The following INPP5D variants were observed in gnomAD, a reference collection of about 807,000 sequenced individuals.
INPP5D encodes the protein inositol polyphosphate-5-phosphatase D.
INPP5D carries 33 observed loss-of-function variants against 122.9 expected under a neutral mutation model. The ratio of observed to expected loss-of-function variants is 0.27; its 90% CI spans 0.20 to 0.36. The LOEUF is 0.36. INPP5D is among the 10% of genes least tolerant of loss of function. The pLI is 1.00. For missense variants in INPP5D, 1,053 were observed against 1,412.7 expected (o/e 0.75, Z 4.08); for synonymous variants, 584 against 576.2 (o/e 1.01, Z -0.19).
intron 25 of INPP5D, among the ~76,000 whole-genome samples, chr2:233,200,503 C>T (rs1355589811): frequency 6.6e-6 from 1 of 152,222 alleles, no homozygotes; most frequent in African/African-American, 2.4e-5. Flanking sequence ...GACTTGCGTG[C>T]TGTCCGCCAC....
Position 233,138,912 on chromosome 2 carries a change from A to ATTTTTTTTTTTTTTTTTT in INPP5D, c.666-916_666-915insTTTTTTTTTTTTTTTTTT, listed in dbSNP as rs759201099. Among the ~76,000 whole-genome samples the ATTTTTTTTTTTTTTTTTT allele has an allele frequency of 5.7e-5, 8 of 140,420 alleles. No homozygotes were observed. In the East Asian group the frequency reaches 6.3e-4, roughly 11 times the overall value. 92.1% of individuals were successfully genotyped at this position (140,420 alleles called of 152,430 possible). Reference sequence around the variant, plus strand: ...AGGAGCCCGCCACCACACCTGGCTAATTTTTTTTTTTTTTGTATTTTTAGT... The same window carrying ATTTTTTTTTTTTTTTTTT: ...AGGAGCCCGCCACCACACCTGGCTAATTTTTTTTTTTTTTTTTTTTTTTTTTTTTTTTGTATTTTTAGT... On this transcript the variant is annotated intron_variant, in intron 5 of 26. Coordinates refer to ENST00000445964, the MANE Select transcript of INPP5D (RefSeq NM_001017915.3).
chr2:233,090,546 T>A (rs938321470), intron 2 of INPP5D, among the ~76,000 whole-genome samples: 2 of 152,122 alleles, frequency 1.3e-5, no homozygotes, highest in Non-Finnish European at 2.9e-5. Flanking sequence ...CTCACAAATA[T>A]ATGCTATGAA....
At chr2:233,196,584 GA>G (rs1185567932) in intron 24 of INPP5D, among the ~76,000 whole-genome samples, 1 of 152,180 alleles carries the variant, frequency 6.6e-6, no homozygotes, top group Non-Finnish European at 1.5e-5. Flanking sequence ...ATCACTGGGG[GA>G]AAATGCACAC....
In INPP5D at chr2:233,126,715, C is replaced by G. The variant is rs115337307; in HGVS notation, c.524+796C>G. Among the ~76,000 whole-genome samples, 1,205 of 152,178 alleles carry G rather than the reference C, an allele frequency of 7.9e-3. 21 individuals carry two copies. The highest frequency in any genetic ancestry group is 0.027 in the African/African-American group (1,139 of 41,502). On this transcript the variant is annotated intron_variant, in intron 4 of 26. Coordinates refer to ENST00000445964, the MANE Select transcript of INPP5D (RefSeq NM_001017915.3). ...CGGGCAGATCACCTGAATCCAGGAG[C>G]TCAAGACCAGACTAACCAACATGGC...
At chr2:233,195,700 T>C (rs2106324461) in intron 24 of INPP5D, among the ~76,000 whole-genome samples, 1 of 152,240 alleles carries the variant, frequency 6.6e-6, no homozygotes, top group South Asian at 2.1e-4. Flanking sequence ...AATGTGGTGG[T>C]TCATGCCTGT....
intron 4 of INPP5D, among the ~76,000 whole-genome samples, chr2:233,129,907 TGTGTGTGTGTGA>T (rs1262245935): frequency 2.0e-5 from 3 of 151,078 alleles, no homozygotes; most frequent in South Asian, 2.1e-4. Flanking sequence ...TGTGTGTGTG[TGTGTGTGTGTGA>T]GAGACAGTGT....
At chr2:233,185,999 G>C in intron 21 of INPP5D, 74 bp downstream of exon 21, 3 of 1,464,078 alleles carry the variant, frequency 2.0e-6, no homozygotes, top group Non-Finnish European at 2.7e-6. Flanking sequence ...CAGTGGCAGA[G>C]CTATGGCCAG....
intron 5 of INPP5D, among the ~76,000 whole-genome samples, chr2:233,137,891 T>TAC (rs1204913860): frequency 1.8e-4 from 10 of 56,926 alleles, no homozygotes; most frequent in African/African-American, 6.2e-4. Flanking sequence ...TATATATATA[T>TAC]ATATATACAC....
rs1196031135 is a variant in INPP5D, at chr2:233,170,343, G to C, written c.1792-153G>C. 1 of 1,486,042 alleles carries C rather than the reference G, an allele frequency of 6.7e-7. No individual in the cohort carries two copies. Among genetic ancestry groups the C allele is most frequent in the Non-Finnish European group, 9.0e-7 (1 of 1,107,800 alleles). 92.1% of individuals were successfully genotyped at this position (1,486,042 alleles called of 1,614,324 possible). A position where few individuals can be genotyped will look rare whatever the true frequency, so the allele number is the denominator to read the frequency against. On this transcript the variant is annotated intron_variant, in intron 15 of 26. Coordinates refer to ENST00000445964, the MANE Select transcript of INPP5D (RefSeq NM_001017915.3). The surrounding 1 kb of genome is among the most constrained non-coding windows in gnomAD (Gnocchi z 4.5). ...CTCAGCCGCTCCTCACGGTTCCCCT[G>C]TGCTCACACCCGGTTCCCATAACTG... is the stretch of plus-strand genomic sequence containing the variant.
intron 2 of INPP5D, among the ~76,000 whole-genome samples, chr2:233,097,067 G>A (rs1047733606): frequency 2.0e-5 from 3 of 152,120 alleles, no homozygotes; most frequent in South Asian, 2.1e-4. Flanking sequence ...TAACTTCACC[G>A]TCCAAATGGA....
chr2:233,070,089 TAG>T (rs1378386249), intron 1 of INPP5D, among the ~76,000 whole-genome samples: 1 of 152,258 alleles, frequency 6.6e-6, no homozygotes, highest in Non-Finnish European at 1.5e-5. Context: ...GCTTATTTGA[TAG>T]AGTTATTGAC....
chr2:233,159,896 G>A lies in INPP5D; in HGVS notation c.1137+1477G>A, dbSNP rs143977003. On this transcript the variant is annotated intron_variant, in intron 10 of 26. Transcript: ENST00000445964. Reference sequence around the variant, plus strand: ...AGCATCAGGGGTGGGCTGGTGGGAGGTCTAAGGTGTCCAGAGCTGTCAGGA... The same window carrying A: ...AGCATCAGGGGTGGGCTGGTGGGAGATCTAAGGTGTCCAGAGCTGTCAGGA... Among the ~76,000 whole-genome samples the A allele has an allele frequency of 3.9e-3, 598 of 152,142 alleles. 11 individuals are homozygous for A. In the East Asian group the frequency reaches 0.045, roughly 12 times the overall value.
rs879554197 is a variant in INPP5D, at chr2:233,183,863, CA to C, written c.2162-544del. Among the ~76,000 whole-genome samples the C allele has an allele frequency of 5.9e-5, 9 of 152,242 alleles. No individual in the cohort carries two copies. The highest frequency in any genetic ancestry group is 1.2e-4 in the Non-Finnish European group (8 of 68,044). Reference sequence around the variant, plus strand: ...TCAAAATTTCTATGAAAGGACAGAACACTTGTTTAAAAGCAGCTTAAGGATG... The same window carrying C: ...TCAAAATTTCTATGAAAGGACAGAACCTTGTTTAAAAGCAGCTTAAGGATG... On this transcript the variant is annotated intron_variant, in intron 19 of 26. Transcript: ENST00000445964. This position sits in a 1 kb window ranked among gnomAD's most constrained non-coding sequence, Gnocchi z 4.6.
intron 1 of INPP5D, among the ~76,000 whole-genome samples, chr2:233,061,957 G>A (rs376507020): frequency 6.6e-6 from 1 of 152,242 alleles, no homozygotes; most frequent in Non-Finnish European, 1.5e-5. Context: ...TCGCTGGCCT[G>A]TGCTGACAGT....
chr2:233,113,205 C>G (rs1692679404), intron 2 of INPP5D, among the ~76,000 whole-genome samples: 2 of 152,278 alleles, frequency 1.3e-5, no homozygotes, highest in South Asian at 4.1e-4. Context: ...ACATCACCAC[C>G]TCCTTGGTTC....
rs1413174947 is a variant in INPP5D at position 233,160,907 on chromosome 2, T to C, written c.1138-817T>C. 6.6e-6 allele frequency among the ~76,000 whole-genome samples: 1 copy of C among 152,156 alleles called. No individual in the cohort carries two copies. The highest frequency in any genetic ancestry group is 1.5e-5 in the Non-Finnish European group (1 of 68,020). On this transcript the variant is annotated intron_variant, in intron 10 of 26. Coordinates refer to ENST00000445964, the MANE Select transcript of INPP5D (RefSeq NM_001017915.3). This position sits in a 1 kb window ranked among gnomAD's most constrained non-coding sequence, Gnocchi z 4.2. ...GCCTCAGCCTCCCAAAGTCCTGGGA[T>C]TACAGGCATGAGCCACTGTGCCAGG...
chr2:233,196,680 G>T (rs1055937064), intron 24 of INPP5D, among the ~76,000 whole-genome samples: 4 of 152,126 alleles, frequency 2.6e-5, no homozygotes, highest in Non-Finnish European at 5.9e-5. Flanking sequence ...TTGGTAGCAG[G>T]GCTGCCCTAA....
chr2:233,095,538 G>A (rs1305295634), intron 2 of INPP5D, among the ~76,000 whole-genome samples: 1 of 149,232 alleles, frequency 6.7e-6, no homozygotes, highest in African/African-American at 2.5e-5. Context: ...CAGGAGAATC[G>A]CCTGAACCTG....
chr2:233,149,100 C>CTTTT (rs556971192), intron 9 of INPP5D, among the ~76,000 whole-genome samples: 1 of 106,038 alleles, frequency 9.4e-6, no homozygotes, highest in Non-Finnish European at 1.8e-5. Flanking sequence ...TGATCAGCAC[C>CTTTT]TTTTTTTTTT....
Sources: allele counts gnomAD v4.1 joint callset (sites outside exome capture counted in the v4.1 genomes callset), GRCh38; gene constraint gnomAD v4.1.1; non-coding constraint Gnocchi (gnomAD v3.1); transcripts MANE v1.5; gene names NCBI Gene and HGNC (gene_info 2026-07-23, HGNC 2026-07-21).